Variants in DKK2 observed in about 807,000 individuals in gnomAD.
DKK2 encodes dickkopf Wnt signaling pathway inhibitor 2, also known as dickkopf-related protein 2.
Under a neutral mutation model 28.1 loss-of-function variants are expected in DKK2, and 11 were observed. The ratio of observed to expected loss-of-function variants is 0.39; its 90% CI spans 0.25 to 0.65. The LOEUF is 0.65. Among genes scored for constraint, DKK2 ranks in the 30% least tolerant of loss-of-function variants. The pLI is 0.47. For synonymous variants in DKK2, 135 were observed against 126.5 expected (o/e 1.07, Z -0.45); for missense variants, 326 against 335.5 (o/e 0.97, Z 0.22).
chr4:106,990,971 G>C (rs1010952006), intron 1 of DKK2, among the ~76,000 whole-genome samples: 5 of 151,726 alleles, frequency 3.3e-5, no homozygotes, highest in Admixed American at 3.3e-4. Flanking sequence ...TTTGAAGACA[G>C]AATGTTAAGT....
intron 1 of DKK2, among the ~76,000 whole-genome samples, chr4:107,026,237 T>G (rs963378230): frequency 6.6e-6 from 1 of 152,206 alleles, no homozygotes; most frequent in Non-Finnish European, 1.5e-5. Flanking sequence ...ATTTGAAGAA[T>G]CCTCTTACTT....
intron 1 of DKK2, among the ~76,000 whole-genome samples, chr4:106,940,261 A>T (rs991925579): frequency 1.1e-4 from 16 of 152,340 alleles, no homozygotes; most frequent in African/African-American, 3.1e-4. Context: ...ACAAATTTAC[A>T]AGAAAAAACA....
At chr4:107,031,383 G>A (rs1251564805) in intron 1 of DKK2, among the ~76,000 whole-genome samples, 1 of 151,932 alleles carries the variant, frequency 6.6e-6, no homozygotes, top group Non-Finnish European at 1.5e-5. Context: ...GCACTTTCAT[G>A]AATGTTTGTG....
At chr4:106,936,279 A>G (rs898347656) in intron 1 of DKK2, among the ~76,000 whole-genome samples, 1 of 151,648 alleles carries the variant, frequency 6.6e-6, no homozygotes, top group Non-Finnish European at 1.5e-5. Context: ...AAAGGAGCTG[A>G]TGGAGCTGAA....
Position 106,922,670 on chromosome 4 carries a change from T to A in DKK2, c.*1284A>T, listed in dbSNP as rs1466307242. ...TCCATTTTGTGAAACCTCCTGAAAT[T>A]GAGATTATTTGAGGATCTCAGCACT... On this transcript the variant is annotated 3_prime_UTR_variant, in exon 4 of 4. Coordinates refer to ENST00000285311, the MANE Select transcript of DKK2 (RefSeq NM_014421.3). 1 of 152,182 alleles carries A rather than the reference T, an allele frequency of 6.6e-6. No individual in the cohort carries two copies. The highest frequency in any genetic ancestry group is 1.9e-4 in the East Asian group (1 of 5,188). The allele number at this position is 152,182 out of a possible 1,614,324, so 9.4% of individuals were successfully genotyped here.
At chr4:106,927,400 C>A (rs971645085) in intron 1 of DKK2, among the ~76,000 whole-genome samples, 1 of 152,204 alleles carries the variant, frequency 6.6e-6, no homozygotes, top group South Asian at 2.1e-4. Flanking sequence ...ATGTACGAGT[C>A]TGAGAGATAA....
At chr4:106,948,716 G>A (rs1724814425) in intron 1 of DKK2, among the ~76,000 whole-genome samples, 1 of 152,156 alleles carries the variant, frequency 6.6e-6, no homozygotes, top group Non-Finnish European at 1.5e-5. Flanking sequence ...CCTATCGTGG[G>A]TCTGGCACAG....
intron 1 of DKK2, among the ~76,000 whole-genome samples, chr4:106,954,133 A>G (rs887278342): frequency 6.6e-6 from 1 of 152,244 alleles, no homozygotes; most frequent in Non-Finnish European, 1.5e-5. Context: ...TAAGCTCTAG[A>G]GTAGAAAATA....
At chr4:106,970,239 A>T (rs549470688) in intron 1 of DKK2, among the ~76,000 whole-genome samples, 2 of 152,252 alleles carry the variant, frequency 1.3e-5, no homozygotes, top group Non-Finnish European at 2.9e-5. Context: ...ACATTTTCTG[A>T]CACTGTGTGG....
intron 1 of DKK2, among the ~76,000 whole-genome samples, chr4:106,983,532 G>T (rs1723065937): frequency 6.6e-6 from 1 of 152,082 alleles, no homozygotes; most frequent in South Asian, 2.1e-4. Flanking sequence ...TGGAAATTAA[G>T]ACTAGGCAGA....
intron 1 of DKK2, among the ~76,000 whole-genome samples, chr4:106,947,702 T>C (rs558239963): frequency 2.6e-5 from 4 of 151,420 alleles, no homozygotes; most frequent in Non-Finnish European, 4.4e-5. Context: ...AGAGATGGAT[T>C]CATGCTCTGT....
At chr4:107,034,741 G>GT (rs1384764083) in intron 1 of DKK2, among the ~76,000 whole-genome samples, 2 of 152,152 alleles carry the variant, frequency 1.3e-5, no homozygotes, top group African/African-American at 4.8e-5. Context: ...TTTGAAGAGA[G>GT]TAAGTGGTTG....
intron 1 of DKK2, among the ~76,000 whole-genome samples, chr4:106,937,385 G>A (rs1355636002): frequency 8.9e-4 from 119 of 133,248 alleles, no homozygotes; most frequent in African/African-American, 3.3e-3. Flanking sequence ...ATTACATAAT[G>A]GTAAAGGGAT....
rs1052083082 is a variant in DKK2, at chr4:106,934,974, G to C, written c.223-9025C>G. Among the ~76,000 whole-genome samples the C allele has an allele frequency of 5.9e-5, 9 of 152,316 alleles. 1 individual carries two copies. The highest frequency in any genetic ancestry group is 5.9e-4 in the Admixed American group (9 of 15,304). On this transcript the variant is annotated intron_variant, in intron 1 of 3. Transcript: ENST00000285311. The stretch of plus-strand genomic sequence containing the variant: ...TATCCCTCAGGTGTGCTGGTGCAGA[G>C]AGACAATGACTTGAGAAAAAGCTGG...
In DKK2 at chr4:107,019,867, T is replaced by C. The variant is rs569828089; in HGVS notation, c.222+15503A>G. Among the ~76,000 whole-genome samples, 11 of 152,168 alleles carry C rather than the reference T, an allele frequency of 7.2e-5. No individual in the cohort carries two copies. The East Asian group carries it at 2.1e-3, about 30-fold the overall frequency. On this transcript the variant is annotated intron_variant, in intron 1 of 3. Coordinates refer to ENST00000285311, the MANE Select transcript of DKK2 (RefSeq NM_014421.3). The stretch of plus-strand genomic sequence containing the variant: ...CAATTCTTAATTCCAATAGCATGGA[T>C]TTGTCATGAATTATGTGTTCAGTGC...
At chr4:107,019,227 CA>C (rs1387720690) in intron 1 of DKK2, among the ~76,000 whole-genome samples, 1 of 152,024 alleles carries the variant, frequency 6.6e-6, no homozygotes, top group East Asian at 1.9e-4. Flanking sequence ...AAAACAAAAA[CA>C]AAAACAAAAT....
At chr4:107,012,775 T>C (rs1165311641) in intron 1 of DKK2, among the ~76,000 whole-genome samples, 1 of 151,168 alleles carries the variant, frequency 6.6e-6, no homozygotes, top group African/African-American at 2.4e-5. Flanking sequence ...AAATTACTTT[T>C]AAAATAACAC....
intron 1 of DKK2, among the ~76,000 whole-genome samples, chr4:107,021,588 A>C (rs999088800): frequency 6.7e-6 from 1 of 149,766 alleles, no homozygotes; most frequent in East Asian, 2.0e-4. Context: ...CTCTCCACCA[A>C]TCCATGTTGA....
intron 1 of DKK2, among the ~76,000 whole-genome samples, chr4:106,998,886 A>G (rs1018572686): frequency 1.3e-5 from 2 of 152,236 alleles, no homozygotes; most frequent in African/African-American, 4.8e-5. Flanking sequence ...ATGTGATTTT[A>G]CATCTGATAA....
Sources: allele counts gnomAD v4.1 joint callset (sites outside exome capture counted in the v4.1 genomes callset), GRCh38; gene constraint gnomAD v4.1.1; transcripts MANE v1.5; gene names NCBI Gene and HGNC (gene_info 2026-07-23, HGNC 2026-07-21).